The following RTTN variants were observed in gnomAD, a reference collection of about 807,000 sequenced individuals.
The protein encoded by RTTN is rotatin.
RTTN carries 182 observed loss-of-function variants against 269.2 expected under a neutral mutation model. That is an observed-to-expected ratio of 0.68 (90% CI 0.60 to 0.76). The LOEUF (loss-of-function observed/expected upper bound fraction) is 0.76, where lower values mean the gene tolerates loss of function less well. RTTN is among the 30% of genes least tolerant of loss of function. The probability of loss-of-function intolerance (pLI) is 0.00; values close to 1 mark genes in which losing one functional copy is unlikely to be tolerated. For synonymous variants in RTTN, 1,006 were observed against 963.5 expected (o/e 1.04, Z -0.82); for missense variants, 2,545 against 2,608.6 (o/e 0.98, Z 0.53).
intron 32 of RTTN, among the ~76,000 whole-genome samples, chr18:70,081,478 A>C (rs893874202): frequency 1.3e-5 from 2 of 152,206 alleles, no homozygotes; most frequent in Non-Finnish European, 2.9e-5. Flanking sequence ...AAGTAATCAA[A>C]GTTAGTATCA....
At chr18:70,188,636 T>C (rs2061601414) in intron 9 of RTTN, among the ~76,000 whole-genome samples, 1 of 152,208 alleles carries the variant, frequency 6.6e-6, no homozygotes, top group South Asian at 2.1e-4. Context: ...TAAATTAGTA[T>C]TTTCCCACAC....
intron 15 of RTTN, 192 bp from the exon 16 acceptor site, chr18:70,150,279 C>T (rs2060503248): frequency 3.5e-6 from 2 of 569,804 alleles, no homozygotes; most frequent in Middle Eastern, 4.6e-4. Context: ...TAATTTTTTA[C>T]CTTTAATGTA....
rs912791863 is a variant in RTTN, at chr18:70,149,045, A to G, written c.2173-8T>C. ...TTCTGTGTCGGCATAGCCCTAATAG[A>G]TTTGTTTTTAAAGAGAAATTATTGT... On this transcript the variant is annotated splice_region_variant and splice_polypyrimidine_tract_variant and intron_variant, in intron 16 of 48. Coordinates refer to ENST00000640769, the MANE Select transcript of RTTN (RefSeq NM_173630.4). 6.2e-7 allele frequency: 1 copy of G among 1,605,884 alleles called. No individual in the cohort carries two copies. The highest frequency in any genetic ancestry group is 8.5e-7 in the Non-Finnish European group (1 of 1,176,528).
At chr18:70,028,158 C>G (rs1201036320) in intron 43 of RTTN, among the ~76,000 whole-genome samples, 1 of 152,124 alleles carries the variant, frequency 6.6e-6, no homozygotes, top group Non-Finnish European at 1.5e-5. Flanking sequence ...ATTATATCCT[C>G]TATAGTAGTA....
chr18:70,149,534 G>A (rs2060483473), intron 16 of RTTN, among the ~76,000 whole-genome samples: 1 of 64,462 alleles, frequency 1.6e-5, no homozygotes, highest in African/African-American at 3.7e-5. Context: ...CAGAAGGATT[G>A]CTTTTTTAAA....
intron 43 of RTTN, among the ~76,000 whole-genome samples, chr18:70,026,126 G>A (rs1034814361): frequency 6.6e-6 from 1 of 152,020 alleles, no homozygotes; most frequent in African/African-American, 2.4e-5. Context: ...GCTCATTACC[G>A]TTTATTTTCT....
At chr18:70,055,876 A>C (rs1339209782) in intron 37 of RTTN, among the ~76,000 whole-genome samples, 1 of 152,022 alleles carries the variant, frequency 6.6e-6, no homozygotes, top group Non-Finnish European at 1.5e-5. Flanking sequence ...TTAATCCATC[A>C]TACCTTTAGC....
intron 43 of RTTN, 41 bp from the exon 44 acceptor site, chr18:70,024,889 AT>A (rs764095056): frequency 1.2e-5 from 19 of 1,592,900 alleles, no homozygotes; most frequent in Non-Finnish European, 1.6e-5. Flanking sequence ...GTCTGAATAT[AT>A]GAAAATATAA....
intron 11 of RTTN, among the ~76,000 whole-genome samples, chr18:70,175,816 T>C (rs2061276955): frequency 1.3e-5 from 2 of 152,104 alleles, no homozygotes; most frequent in Admixed American, 1.3e-4. Context: ...TTCCATGACA[T>C]TAAGATATGC....
intron 40 of RTTN, among the ~76,000 whole-genome samples, chr18:70,043,045 G>A (rs1353289346): frequency 6.6e-6 from 1 of 152,130 alleles, no homozygotes; most frequent in Admixed American, 6.5e-5. Flanking sequence ...CAGAGGTAAA[G>A]GAATTCCCAG....
At chr18:70,054,749 G>A (rs2057769256) in intron 37 of RTTN, among the ~76,000 whole-genome samples, 2 of 152,068 alleles carry the variant, frequency 1.3e-5, no homozygotes, top group Non-Finnish European at 2.9e-5. Flanking sequence ...AGCCCAGAAG[G>A]TAGAGGCTAT....
rs371806483 is a variant in RTTN, at chr18:70,065,874, T to C, written c.4702A>G (p.Thr1568Ala). The C allele has an allele frequency of 9.4e-6, 15 of 1,602,896 alleles. No individual in the cohort carries two copies. In the African/African-American group the frequency reaches 1.6e-4, roughly 17 times the overall value. Residue 1568 changes from threonine (T) to alanine (A), a missense_variant, in exon 35 of 49, where the codon ACA (threonine) becomes GCA (alanine). Physicochemically the swap from Thr to Ala is moderately conservative, Grantham distance 58. Coordinates refer to ENST00000640769, the MANE Select transcript of RTTN (RefSeq NM_173630.4). ...TGGGAGGCTTCAGGTAGAAGTGTTG[T>C]TGACTGCACAAGTGGCTGAAATTCA... is the stretch of plus-strand genomic sequence containing the variant. ...STEFQPLVQS[T>A]TLLPEASHDQ...
intron 46 of RTTN, among the ~76,000 whole-genome samples, chr18:70,016,201 C>T (rs2056531423): frequency 1.7e-5 from 1 of 59,972 alleles, no homozygotes; most frequent in Admixed American, 2.7e-4. Context: ...AGAATCACAA[C>T]TATATACACC....
At position 70,142,625 on chromosome 18, in the gene RTTN, A is replaced by G. The variant is rs11659217; in HGVS notation, c.2482-238T>C. 0.83 allele frequency among the ~76,000 whole-genome samples: 125,677 copies of G among 152,184 alleles called. 55,257 individuals are homozygous for G. The highest frequency in any genetic ancestry group is 1 in the East Asian group (5,179 of 5,182). ...GTTGAACTAATTTACACAGTCATCAACAGTGTGTAAGTATTCCCTTTTCTC... is the reference window on the plus strand; with the variant it reads ...GTTGAACTAATTTACACAGTCATCAGCAGTGTGTAAGTATTCCCTTTTCTC... On this transcript the variant is annotated intron_variant, in intron 18 of 48. Transcript: ENST00000640769.
intron 33 of RTTN, among the ~76,000 whole-genome samples, 192 bp from the exon 34 acceptor site, chr18:70,074,186 G>C (rs936305576): frequency 1.1e-4 from 16 of 151,058 alleles, no homozygotes; most frequent in African/African-American, 3.9e-4. Context: ...ATGTGCATAA[G>C]AATCACTGAG....
intron 15 of RTTN, 139 bp from the exon 16 acceptor site, chr18:70,150,226 G>T (rs1568467082): frequency 1.4e-5 from 9 of 634,964 alleles, no homozygotes; most frequent in Admixed American, 8.2e-5. Flanking sequence ...TACTTCCACA[G>T]CATCATCTTA....
rs781437195 is a variant in RTTN at position 70,188,102 on chromosome 18, T to C, written c.1305+6A>G. 9.2e-6 allele frequency: 14 copies of C among 1,516,532 alleles called. No individual in the cohort carries two copies. Among genetic ancestry groups the C allele is most frequent in the African/African-American group, 1.4e-5 (1 of 72,778 alleles). The allele number at this position is 1,516,532 out of a possible 1,614,324, so 93.9% of individuals were successfully genotyped here. A position where few individuals can be genotyped will look rare whatever the true frequency, so the allele number is the denominator to read the frequency against. On this transcript the variant is annotated splice_donor_region_variant and intron_variant, in intron 10 of 48. Transcript: ENST00000640769. ...CCTATATCCCAAAGAAAACATTGAT[T>C]CTTACCATATCTATACCAAAAAGGC... is the stretch of plus-strand genomic sequence containing the variant.
At chr18:70,138,903 C>T (rs1259734134) in intron 21 of RTTN, 1 of 151,470 alleles carries the variant, frequency 6.6e-6, no homozygotes, top group Non-Finnish European at 1.5e-5. Flanking sequence ...TCAGCACATT[C>T]AGATGATTCT....
At chr18:70,186,479 C>T (rs542742519) in intron 10 of RTTN, among the ~76,000 whole-genome samples, 23 of 152,264 alleles carry the variant, frequency 1.5e-4, no homozygotes, top group African/African-American at 5.5e-4. Flanking sequence ...CTCAGCCGGG[C>T]GCGGTGGCTC....
Sources: gnomAD v4.1 joint callset for allele counts (sites outside exome capture counted in the v4.1 genomes callset) on GRCh38, gnomAD v4.1.1 for gene constraint, MANE v1.5 for transcripts, NCBI Gene and HGNC (gene_info 2026-07-23, HGNC 2026-07-21) for gene names.